DGKH: variants seen among roughly 807,000 people sequenced by gnomAD.
DGKH encodes DAG kinase eta.
Under a neutral mutation model 159.3 loss-of-function variants are expected in DGKH, and 90 were observed. That is an observed-to-expected ratio of 0.57 (90% CI 0.48 to 0.67). DGKH has a LOEUF of 0.67. Ranked by LOEUF, DGKH falls within the 30% of genes least tolerant of loss-of-function variation. The pLI is 0.00. For missense variants in DGKH, 1,181 were observed against 1,506.1 expected (o/e 0.78, Z 3.57); for synonymous variants, 536 against 553.8 (o/e 0.97, Z 0.45).
chr13:42,189,365 A>G (rs1957009671), intron 15 of DGKH, 56 bp downstream of exon 15: 2 of 1,603,362 alleles, frequency 1.2e-6, no homozygotes, highest in African/African-American at 1.3e-5. Flanking sequence ...TACTGCAAGC[A>G]TAACGGAGTT....
At chr13:42,191,822 G>A (rs909461135) in intron 16 of DGKH, among the ~76,000 whole-genome samples, 3 of 152,080 alleles carry the variant, frequency 2.0e-5, no homozygotes, top group African/African-American at 7.2e-5. Context: ...AAGGGTAGTT[G>A]ATAAAGTTAC....
At position 42,167,425 on chromosome 13, in the gene DGKH, G is replaced by A. The variant is rs776668163; in HGVS notation, c.1118+751G>A. On this transcript the variant is annotated intron_variant, in intron 9 of 29. Transcript: ENST00000337343. ...GATTTTTGATACCAGTGCCTGAAAA[G>A]GCATTTTGTGTTTCGTAATGTGATA... 1.3e-5 allele frequency among the ~76,000 whole-genome samples: 2 copies of A among 152,276 alleles called. 1 individual carries two copies. Among genetic ancestry groups the A allele is most frequent in the Middle Eastern group, 6.8e-3 (2 of 294 alleles).
rs1447330806 is a variant in DGKH at position 42,229,759 on chromosome 13, C to T, written c.*571C>T. The T allele has an allele frequency of 6.6e-6, 1 of 152,384 alleles. No individual in the cohort carries two copies. The highest frequency in any genetic ancestry group is 1.9e-4 in the East Asian group (1 of 5,338). The allele number at this position is 152,384 out of a possible 1,614,324, so 9.4% of individuals were successfully genotyped here. On this transcript the variant is annotated 3_prime_UTR_variant, in exon 30 of 30. Transcript: ENST00000337343. ...ATGCAAATCTTAATGCACGATGTTC[C>T]TGCCTGAAATGTCTTTCTTTTTCTT...
upstream of DGKH, among the ~76,000 whole-genome samples, chr13:42,048,040 A>C: frequency 6.6e-6 from 1 of 150,646 alleles, no homozygotes; most frequent in Admixed American, 6.6e-5. The surrounding 1 kb of genome is among the most constrained non-coding windows in gnomAD (Gnocchi z 6.7). Flanking sequence ...GGTGGGCCAG[A>C]AACTGAACGC....
At chr13:42,135,018 A>G (rs1302975036) in intron 3 of DGKH, among the ~76,000 whole-genome samples, 3 of 152,096 alleles carry the variant, frequency 2.0e-5, no homozygotes, top group Admixed American at 2.0e-4. Flanking sequence ...TTATATATAT[A>G]CTTGTATTGA....
chr13:42,086,758 A>C (rs1027865371), intron 1 of DGKH, among the ~76,000 whole-genome samples: 1 of 152,158 alleles, frequency 6.6e-6, no homozygotes, highest in South Asian at 2.1e-4. Flanking sequence ...TGTAAGAAAC[A>C]AACCTGGGTG....
intron 1 of DGKH, among the ~76,000 whole-genome samples, chr13:42,040,787 G>A (rs1350109516): frequency 6.8e-6 from 1 of 147,868 alleles, no homozygotes; most frequent in Non-Finnish European, 1.5e-5. Context: ...GAGAGGGACC[G>A]CGGCGAGGGA....
intron 1 of DGKH, among the ~76,000 whole-genome samples, chr13:42,041,036 C>G (rs1257568329): frequency 6.6e-6 from 1 of 151,766 alleles, no homozygotes; most frequent in Non-Finnish European, 1.5e-5. Context: ...GGGATGAGGT[C>G]CCCAGCTGCT....
At chr13:42,213,768 C>T (rs1957722456) in intron 24 of DGKH, among the ~76,000 whole-genome samples, 1 of 152,188 alleles carries the variant, frequency 6.6e-6, no homozygotes, top group African/African-American at 2.4e-5. Context: ...ACAGCCCTGC[C>T]TTCTTGCTCA....
At chr13:42,209,216 G>A in intron 22 of DGKH, 115 bp from the exon 23 acceptor site, 1 of 1,421,156 alleles carries the variant, frequency 7.0e-7, no homozygotes, top group South Asian at 1.4e-5. Context: ...TCATTTATAA[G>A]TGATAAAGCA....
chr13:42,111,203 T>C (rs1954857389), intron 1 of DGKH, among the ~76,000 whole-genome samples: 1 of 152,194 alleles, frequency 6.6e-6, no homozygotes, highest in Non-Finnish European at 1.5e-5. Context: ...ATTATAGATA[T>C]TCTCGAGAAA....
chr13:42,160,280 C>T (rs1956148262), intron 7 of DGKH, 144 bp downstream of exon 7: 1 of 1,161,296 alleles, frequency 8.6e-7, no homozygotes, highest in South Asian at 1.4e-5. Flanking sequence ...TTCTTCTTTC[C>T]TTACAGTATA....
At position 42,111,239 on chromosome 13, in the gene DGKH, G is replaced by A. The variant is rs542428933; in HGVS notation, c.193-16224G>A. 2.0e-5 allele frequency among the ~76,000 whole-genome samples: 3 copies of A among 152,280 alleles called. No homozygotes were observed. The South Asian group carries it at 6.2e-4, about 32-fold the overall frequency. ...ATTATAAGCCATTGCAAGGGACAAA[G>A]TACATTAGCAATCACTAGATGGTTT... On this transcript the variant is annotated intron_variant, in intron 1 of 29. Transcript: ENST00000337343.
At chr13:42,082,039 GGC>G (rs1189807256) in intron 1 of DGKH, among the ~76,000 whole-genome samples, 1 of 152,042 alleles carries the variant, frequency 6.6e-6, no homozygotes, top group Non-Finnish European at 1.5e-5. Flanking sequence ...TGAGAAATGT[GGC>G]TCTCATTATC....
rs1198558221 is a variant in DGKH, at chr13:42,239,847, C to T, written c.*10659C>T. ...CTTTCTTCCTTTTTAGTATCCTCAC[C>T]AACCTTCCCTCTGTTGACTTTTGTA... On this transcript the variant is annotated 3_prime_UTR_variant, in exon 30 of 30. Transcript: ENST00000337343. 1 of 152,146 alleles carries T rather than the reference C, an allele frequency of 6.6e-6. No homozygotes were observed. The highest frequency in any genetic ancestry group is 1.5e-5 in the Non-Finnish European group (1 of 68,024). 9.4% of individuals were successfully genotyped at this position (152,146 alleles called of 1,614,324 possible).
rs1004457095 is a variant in DGKH, at chr13:42,138,062, A to G, written c.384+8430A>G. 11 of 985,044 alleles carry G rather than the reference A, an allele frequency of 1.1e-5. No individual in the cohort carries two copies. In the Admixed American group the frequency reaches 4.3e-4, roughly 39 times the overall value. 61.0% of individuals were successfully genotyped at this position (985,044 alleles called of 1,614,324 possible). On this transcript the variant is annotated intron_variant, in intron 3 of 29. Coordinates refer to ENST00000337343, the MANE Select transcript of DGKH (RefSeq NM_178009.5). ...TTCCCATTATTAGAAATCTTTAGTC[A>G]TCTCATTCCCTGTGAGCTGAAAGGG...
At chr13:42,151,534 T>C (rs1473796771) in intron 3 of DGKH, among the ~76,000 whole-genome samples, 1 of 37,054 alleles carries the variant, frequency 2.7e-5, no homozygotes, top group Non-Finnish European at 7.4e-5. Flanking sequence ...TACACGTGTA[T>C]ATATATATAT....
rs1238459138 is a variant in DGKH at position 42,232,461 on chromosome 13, T to G, written c.*3273T>G. The stretch of plus-strand genomic sequence containing the variant: ...CTCTTTAGTGTCTCTTCACCTCCCT[T>G]TCTGAGTTTCTTTCCTACATCCTGG... On this transcript the variant is annotated 3_prime_UTR_variant, in exon 30 of 30. Transcript: ENST00000337343. The G allele has an allele frequency of 6.6e-6, 1 of 152,168 alleles. No individual in the cohort carries two copies. Among genetic ancestry groups the G allele is most frequent in the Non-Finnish European group, 1.5e-5 (1 of 68,028 alleles). 9.4% of individuals were successfully genotyped at this position (152,168 alleles called of 1,614,324 possible). A position where few individuals can be genotyped will look rare whatever the true frequency, so the allele number is the denominator to read the frequency against.
In DGKH at chr13:42,178,152, C is replaced by T. The variant is rs35357520; in HGVS notation, c.1470C>T (p.Asp490=). ...SEEFYMTIYE[D]SVATHLTKIL... ...TTCTTCAGATGACGATTTATGAAGA[C>T]TCAGTTGCAACGCATCTTACAAAAA... The change falls in exon 13 of 30, where the codon GAC becomes GAT. Residue 490 remains aspartate, a synonymous_variant. Coordinates refer to ENST00000337343, the MANE Select transcript of DGKH (RefSeq NM_178009.5). 1.7e-3 allele frequency: 2,662 copies of T among 1,607,778 alleles called. 46 individuals are homozygous for T. In the African/African-American group the frequency reaches 0.03, roughly 18 times the overall value.
Sources: gnomAD v4.1 joint callset for allele counts (sites outside exome capture counted in the v4.1 genomes callset) on GRCh38, gnomAD v4.1.1 for gene constraint, Gnocchi (gnomAD v3.1) non-coding constraint, MANE v1.5 for transcripts, NCBI Gene and HGNC (gene_info 2026-07-23, HGNC 2026-07-21) for gene names.